LRRC4C: variants seen among roughly 807,000 people sequenced by gnomAD.
LRRC4C encodes leucine-rich repeat-containing protein 4C.
LRRC4C carries 5 observed loss-of-function variants against 33.6 expected under a neutral mutation model. The ratio of observed to expected loss-of-function variants is 0.15; its 90% CI spans 0.08 to 0.31. The LOEUF is 0.31. LRRC4C is among the 10% of genes least tolerant of loss of function. LRRC4C has a pLI of 1.00. For missense variants in LRRC4C, 560 were observed against 796.7 expected, an observed-to-expected ratio of 0.70 and a Z score of 3.58; for synonymous variants, 329 against 302.0, an observed-to-expected ratio of 1.09 and a Z score of -0.93.
chr11:41,208,395 T>A (rs549885942), intron 1 of LRRC4C, among the ~76,000 whole-genome samples: 1 of 152,190 alleles, frequency 6.6e-6, no homozygotes, highest in Non-Finnish European at 1.5e-5. Flanking sequence ...ACTTGAAGAT[T>A]TGAATAATTC....
intron 3 of LRRC4C, among the ~76,000 whole-genome samples, chr11:40,488,793 C>A (rs768429107): frequency 6.6e-6 from 1 of 152,108 alleles, no homozygotes; most frequent in Non-Finnish European, 1.5e-5. Flanking sequence ...AGCTTTCTAT[C>A]TGCTTCCACT....
Position 40,325,902 on chromosome 11 carries a change from A to G in LRRC4C, c.-269-6181T>C, listed in dbSNP as rs59177893. On this transcript the variant is annotated intron_variant, in intron 3 of 6. Transcript: ENST00000528697. ...TACTACTCACAATTAGATTAAGACC[A>G]TTTAAGAATCTAGTGAGGCCAGAGG... Among the ~76,000 whole-genome samples the G allele has an allele frequency of 6.0e-3, 917 of 152,158 alleles. 11 individuals are homozygous for G. Among genetic ancestry groups the G allele is most frequent in the African/African-American group, 0.021 (862 of 41,498 alleles).
chr11:41,351,254 C>CACACACACACACACAT (rs1951973372), intron 1 of LRRC4C, among the ~76,000 whole-genome samples: 1 of 23,258 alleles, frequency 4.3e-5, no homozygotes, highest in Non-Finnish European at 1.3e-4. Context: ...CACACACATA[C>CACACACACACACACAT]ACACACACAC....
intron 2 of LRRC4C, among the ~76,000 whole-genome samples, chr11:40,884,324 T>C (rs976582177): frequency 6.6e-6 from 1 of 152,162 alleles, no homozygotes; most frequent in Non-Finnish European, 1.5e-5. Flanking sequence ...TGATGGGCAT[T>C]TGGGTTGGTT....
intron 1 of LRRC4C, among the ~76,000 whole-genome samples, chr11:41,212,631 C>G (rs1363258095): frequency 6.6e-6 from 1 of 152,142 alleles, no homozygotes; most frequent in Non-Finnish European, 1.5e-5. Flanking sequence ...TCTCACCATT[C>G]AGCTCCCACT....
At chr11:40,406,264 A>C (rs1949960954) in intron 3 of LRRC4C, among the ~76,000 whole-genome samples, 1 of 152,110 alleles carries the variant, frequency 6.6e-6, no homozygotes, top group African/African-American at 2.4e-5. Flanking sequence ...TTAGAGGCCT[A>C]AGTTTAATTA....
At chr11:40,417,498 A>AT (rs1175124979) in intron 3 of LRRC4C, among the ~76,000 whole-genome samples, 3 of 151,512 alleles carry the variant, frequency 2.0e-5, no homozygotes, top group Admixed American at 1.3e-4. Flanking sequence ...TGCCCAGCTA[A>AT]TTTTTTATTT....
rs193100870 is a variant in LRRC4C at position 41,166,006 on chromosome 11, C to T, written c.-495-232283G>A. On this transcript the variant is annotated intron_variant, in intron 1 of 6. Transcript: ENST00000528697. ...AAATCGTGCCATTGCACTCCAGCCT[C>T]GGCAACAAGAGCGAAATTCTGTCAA... 2.7e-3 allele frequency among the ~76,000 whole-genome samples: 402 copies of T among 149,320 alleles called. 3 individuals carry two copies. Among genetic ancestry groups the T allele is most frequent in the African/African-American group, 9.4e-3 (382 of 40,490 alleles).
At chr11:40,341,091 C>T (rs1794841588) in intron 3 of LRRC4C, among the ~76,000 whole-genome samples, 2 of 152,154 alleles carry the variant, frequency 1.3e-5, no homozygotes, top group East Asian at 1.9e-4. Flanking sequence ...AAAGGAGCCT[C>T]AACAGTCAAA....
At chr11:41,221,303 C>T (rs559155409) in intron 1 of LRRC4C, among the ~76,000 whole-genome samples, 1 of 146,722 alleles carries the variant, frequency 6.8e-6, no homozygotes, top group East Asian at 2.0e-4. Context: ...AAAAAAAAAA[C>T]CTCAATATCA....
intron 1 of LRRC4C, among the ~76,000 whole-genome samples, chr11:41,377,829 G>C (rs1354295086): frequency 6.6e-6 from 1 of 152,070 alleles, no homozygotes; most frequent in Non-Finnish European, 1.5e-5. Flanking sequence ...TCCCTTTACT[G>C]TAACAGTGAC....
chr11:40,410,075 T>C (rs182256786), intron 3 of LRRC4C, among the ~76,000 whole-genome samples: 1 of 152,166 alleles, frequency 6.6e-6, no homozygotes, highest in Admixed American at 6.6e-5. Flanking sequence ...ACGTATAGCC[T>C]ATGGTTGTAT....
At position 41,258,205 on chromosome 11, in the gene LRRC4C, G is replaced by A. The variant is rs1362876026; in HGVS notation, c.-496+201226C>T. 2.6e-5 allele frequency among the ~76,000 whole-genome samples: 4 copies of A among 151,988 alleles called. No homozygotes were observed. In the East Asian group the frequency reaches 7.7e-4, roughly 29 times the overall value. On this transcript the variant is annotated intron_variant, in intron 1 of 6. Coordinates refer to ENST00000528697, the MANE Select transcript of LRRC4C (RefSeq NM_001258419.2). Reference sequence around the variant, plus strand: ...TGATCGCCTAGGGAATAAATTGCAGGATAATTAAACTCCTGAAGAATCAAT... The same window carrying A: ...TGATCGCCTAGGGAATAAATTGCAGAATAATTAAACTCCTGAAGAATCAAT...
chr11:40,536,068 G>T (rs1591034034), intron 3 of LRRC4C, among the ~76,000 whole-genome samples: 1 of 152,236 alleles, frequency 6.6e-6, no homozygotes, highest in Middle Eastern at 3.4e-3. Flanking sequence ...CTAATCTAAT[G>T]GTTCTTAATG....
At chr11:40,789,017 CGG>C (rs1950525845) in intron 2 of LRRC4C, among the ~76,000 whole-genome samples, 1 of 138,634 alleles carries the variant, frequency 7.2e-6, no homozygotes, top group African/African-American at 2.8e-5. Flanking sequence ...GGCGTGAACC[CGG>C]GAGGCAGAGC....
chr11:40,723,333 A>G (rs1018216444), intron 2 of LRRC4C, among the ~76,000 whole-genome samples: 3 of 152,096 alleles, frequency 2.0e-5, no homozygotes, highest in Admixed American at 6.6e-5. Flanking sequence ...ATGCAAAAAA[A>G]AAAAATTCTA....
intron 1 of LRRC4C, among the ~76,000 whole-genome samples, chr11:41,250,933 T>C (rs1948618476): frequency 6.6e-6 from 1 of 152,186 alleles, no homozygotes; most frequent in Non-Finnish European, 1.5e-5. Flanking sequence ...TTAAAAAATA[T>C]TTTGCAGCAT....
At position 40,384,929 on chromosome 11, in the gene LRRC4C, G is replaced by A. The variant is rs2137389709; in HGVS notation, c.-269-65208C>T. Among the ~76,000 whole-genome samples the A allele has an allele frequency of 2.0e-5, 3 of 152,088 alleles. 1 individual carries two copies. The Middle Eastern group carries it at 0.01, about 517-fold the overall frequency. On this transcript the variant is annotated intron_variant, in intron 3 of 6. Transcript: ENST00000528697. The stretch of plus-strand genomic sequence containing the variant: ...AAGCACTAGTGGGAAATCTCCCAAA[G>A]TTAATAAGAATTTTTTCTAAAACTA...
intron 3 of LRRC4C, among the ~76,000 whole-genome samples, chr11:40,598,163 G>T (rs1248944584): frequency 6.6e-6 from 1 of 152,104 alleles, no homozygotes; most frequent in Non-Finnish European, 1.5e-5. Flanking sequence ...GATATCTCTT[G>T]GAGAAACTAA....
Sources: allele counts gnomAD v4.1 joint callset (sites outside exome capture counted in the v4.1 genomes callset), GRCh38; gene constraint gnomAD v4.1.1; transcripts MANE v1.5; gene names NCBI Gene and HGNC (gene_info 2026-07-23, HGNC 2026-07-21).